SETD1B: variants seen among roughly 807,000 people sequenced by gnomAD.
SETD1B encodes histone-lysine N-methyltransferase SETD1B.
A neutral mutation model predicts 148.0 loss-of-function variants in SETD1B; 7 were observed. The ratio of observed to expected loss-of-function variants is 0.05; its 90% CI spans 0.03 to 0.09. The LOEUF (loss-of-function observed/expected upper bound fraction) is 0.09. Among genes scored for constraint, SETD1B ranks in the 10% least tolerant of loss-of-function variants. SETD1B has a pLI of 1.00. For synonymous variants in SETD1B, 1,361 were observed against 1,186.5 expected (o/e 1.15, Z -3.02); for missense variants, 2,155 against 2,729.9 (o/e 0.79, Z 4.69).
chr12:121,815,020 C>G, intron 7 of SETD1B, 90 bp downstream of exon 7: 1 of 1,213,174 alleles, frequency 8.2e-7, no homozygotes, highest in Non-Finnish European at 1.1e-6. Context: ...AGACTGTTAA[C>G]TGGAAACGCT....
At chr12:121,790,794 TG>T in the SETD1B span, among the ~76,000 whole-genome samples, 1 of 152,182 alleles carries the variant, frequency 6.6e-6, no homozygotes, top group Non-Finnish European at 1.5e-5. Context: ...GGGGTCAGCT[TG>T]GGGCATGGCA....
Position 121,819,451 on chromosome 12 carries a change from A to G in SETD1B, c.3466A>G (p.Ser1156Gly), listed in dbSNP as rs1369371640. 4 of 1,552,074 alleles carry G rather than the reference A, an allele frequency of 2.6e-6. No individual in the cohort carries two copies. Among genetic ancestry groups the G allele is most frequent in the East Asian group, 2.4e-5 (1 of 40,928 alleles). Reference protein sequence around the residue: ...VTSKAEATSSSESSESSEFES... With the variant: ...VTSKAEATSSGESSESSEFES... Reference sequence around the variant, plus strand: ...CTCCAAGGCCGAAGCCACGTCGTCCAGTGAGAGTTCCGAGTCTTCTGAGTT... The same window carrying G: ...CTCCAAGGCCGAAGCCACGTCGTCCGGTGAGAGTTCCGAGTCTTCTGAGTT... The change falls in exon 11 of 17, where the codon AGT becomes GGT. Residue 1156 changes from serine (S) to glycine (G), a missense_variant. Ser to Gly is a moderately conservative substitution (Grantham distance 56). Coordinates refer to ENST00000604567, the MANE Select transcript of SETD1B (RefSeq NM_001353345.2).
At chr12:121,828,709 T>G (rs1030488176) in intron 16 of SETD1B, among the ~76,000 whole-genome samples, 6 of 152,234 alleles carry the variant, frequency 3.9e-5, no homozygotes, top group African/African-American at 1.2e-4. Context: ...TGCCCCTGAC[T>G]TTGGGTTCAA....
At position 121,810,344 on chromosome 12, in the gene SETD1B, C is replaced by T. The variant is rs776182953; in HGVS notation, c.1399C>T (p.Arg467Trp). Residue 467 changes from arginine (R) to tryptophan (W), a missense_variant, in exon 6 of 17, where the codon CGG becomes TGG. Arg to Trp is a moderately radical substitution (Grantham distance 101). Coordinates refer to ENST00000604567, the MANE Select transcript of SETD1B (RefSeq NM_001353345.2). This position sits in a 1 kb window ranked among gnomAD's most constrained non-coding sequence, Gnocchi z 7.6. ...CACCAACAGCATGGAGCTGGGCGGC[C>T]GGCCCACCTTCGGCTGGAGTCCTGA... Reference protein sequence around the residue: ...PDTNSMELGGRPTFGWSPEPC... With the variant: ...PDTNSMELGGWPTFGWSPEPC... The T allele has an allele frequency of 1.6e-5, 24 of 1,546,144 alleles. No individual in the cohort carries two copies. Among genetic ancestry groups the T allele is most frequent in the African/African-American group, 1.4e-5 (1 of 73,002 alleles).
At position 121,805,765 on chromosome 12, in the gene SETD1B, G is replaced by C. The variant is rs1356781062; in HGVS notation, c.274-70G>C. On this transcript the variant is annotated intron_variant, in intron 3 of 16. Coordinates refer to ENST00000604567, the MANE Select transcript of SETD1B (RefSeq NM_001353345.2). This position sits in a 1 kb window ranked among gnomAD's most constrained non-coding sequence, Gnocchi z 4.2. ...CGGGTGGGCGAGTTGCGGGCGGGGC[G>C]GGGGGGATGTTGTGTTTTCCCTTAG... 9.5e-6 allele frequency: 13 copies of C among 1,373,900 alleles called. No homozygotes were observed. Among genetic ancestry groups the C allele is most frequent in the Admixed American group, 2.3e-5 (1 of 42,624 alleles). The allele number at this position is 1,373,900 out of a possible 1,614,324, so 85.1% of individuals were successfully genotyped here. A position where few individuals can be genotyped will look rare whatever the true frequency, so the allele number is the denominator to read the frequency against.
At chr12:121,828,624 T>G (rs1001527132) in intron 16 of SETD1B, among the ~76,000 whole-genome samples, 7 of 152,188 alleles carry the variant, frequency 4.6e-5, no homozygotes, top group Non-Finnish European at 1.0e-4. Context: ...GGAGGGACAC[T>G]GATAACAGGG....
chr12:121,822,809 C>T lies in SETD1B; in HGVS notation c.4230C>T (p.Tyr1410=). The T allele has an allele frequency of 6.6e-7, 1 of 1,507,878 alleles. No homozygotes were observed. The highest frequency in any genetic ancestry group is 1.3e-5 in the South Asian group (1 of 77,954). The allele number at this position is 1,507,878 out of a possible 1,614,324, so 93.4% of individuals were successfully genotyped here. A position where few individuals can be genotyped will look rare whatever the true frequency, so the allele number is the denominator to read the frequency against. The change falls in exon 12 of 17, where the codon TAC becomes TAT. Residue 1410 remains tyrosine (Y), a synonymous_variant. Coordinates refer to ENST00000604567, the MANE Select transcript of SETD1B (RefSeq NM_001353345.2). ...SPQVPGSPFS[Y]PAPSPSLSSG... is the part of the protein sequence containing the mutation. ...AAGTGCCCGGCAGCCCCTTCTCCTA[C>T]CCAGCCCCGTCCCCTAGCTTGAGCA...
At position 121,804,995 on chromosome 12, in the gene SETD1B, TC is replaced by T. The variant is rs1875654826; in HGVS notation, c.174+89del. On this transcript the variant is annotated intron_variant, in intron 2 of 16. Coordinates refer to ENST00000604567, the MANE Select transcript of SETD1B (RefSeq NM_001353345.2). The surrounding 1 kb of genome is among the most constrained non-coding windows in gnomAD (Gnocchi z 4.6). ...TAGCGGCCAGGGACCCCCCGCCCGA[TC>T]CCCCGGCCAACTGTCAGACGGGGCC... The T allele has an allele frequency of 6.9e-7, 1 of 1,457,366 alleles. No individual in the cohort carries two copies. Among genetic ancestry groups the T allele is most frequent in the South Asian group, 1.4e-5 (1 of 73,950 alleles). The allele number at this position is 1,457,366 out of a possible 1,614,324, so 90.3% of individuals were successfully genotyped here.
chr12:121,799,290 T>C (rs1037181095), upstream of SETD1B: 3 of 152,256 alleles, frequency 2.0e-5, no homozygotes, highest in Admixed American at 6.5e-5. Flanking sequence ...ACAAGGCTTA[T>C]ATACAGGCCT....
chr12:121,797,804 C>T, the SETD1B span: 7 of 353,218 alleles, frequency 2.0e-5, no homozygotes, highest in South Asian at 1.5e-4. Flanking sequence ...AAATTTAAAA[C>T]AGGTTTCAGG....
chr12:121,802,333 G>A (rs544114045), upstream of SETD1B: 1 of 152,160 alleles, frequency 6.6e-6, no homozygotes, highest in South Asian at 2.1e-4. Flanking sequence ...ACTGCGTCAG[G>A]ACAGAATGGA....
upstream of SETD1B, chr12:121,802,914 C>A (rs1226079662): frequency 6.6e-6 from 1 of 152,248 alleles, no homozygotes; most frequent in Non-Finnish European, 1.5e-5. Flanking sequence ...AAATGGCTTC[C>A]CTCATCTGTT....
intron 7 of SETD1B, among the ~76,000 whole-genome samples, 163 bp from the exon 8 acceptor site, chr12:121,816,870 C>T (rs1018195079): frequency 2.6e-5 from 4 of 152,294 alleles, no homozygotes; most frequent in African/African-American, 9.6e-5. Flanking sequence ...GCTCTAGAGC[C>T]TCGTGGGTAA....
chr12:121,827,494 G>A (rs1247028455), intron 13 of SETD1B, 25 bp from the exon 14 acceptor site: 1 of 1,513,896 alleles, frequency 6.6e-7, no homozygotes, highest in Non-Finnish European at 8.9e-7. Flanking sequence ...CAGCTCCGCT[G>A]AGCCCCGCAC....
rs1876335603 is a variant in SETD1B, at chr12:121,817,271, C to T, written c.2954C>T (p.Thr985Ile). 6 of 1,550,746 alleles carry T rather than the reference C, an allele frequency of 3.9e-6. No homozygotes were observed. The highest frequency in any genetic ancestry group is 3.6e-5 in the South Asian group (3 of 84,048). ...SGDQKRLRPS[T>I]SVDEEDEESE... The stretch of plus-strand genomic sequence containing the variant: ...GACCAGAAGCGGCTGCGGCCCTCGA[C>T]CTCTGTGGATGAGGAAGATGAAGGT... The change falls in exon 8 of 17, where the codon ACC (threonine) becomes ATC (isoleucine). Residue 985 changes from threonine (T) to isoleucine (I), a missense_variant. Physicochemically the swap from Thr to Ile is moderately conservative, Grantham distance 89. Around this residue, in one of 11 missense-constraint regions of SETD1B, gnomAD observed 289 missense variants for 423.7 expected, o/e 0.68. Coordinates refer to ENST00000604567, the MANE Select transcript of SETD1B (RefSeq NM_001353345.2). This position sits in a 1 kb window ranked among gnomAD's most constrained non-coding sequence, Gnocchi z 8.1.
rs1875621120 is a variant in SETD1B, at chr12:121,804,623, G to T, written c.-14-101G>T. 28 of 1,001,606 alleles carry T rather than the reference G, an allele frequency of 2.8e-5. No individual in the cohort carries two copies. The highest frequency in any genetic ancestry group is 3.9e-5 in the Non-Finnish European group (27 of 687,860). 62.0% of individuals were successfully genotyped at this position (1,001,606 alleles called of 1,614,324 possible). A position where few individuals can be genotyped will look rare whatever the true frequency, so the allele number is the denominator to read the frequency against. On this transcript the variant is annotated intron_variant, in intron 1 of 16. Transcript: ENST00000604567. This position sits in a 1 kb window ranked among gnomAD's most constrained non-coding sequence, Gnocchi z 4.6. ...TCCTTTCGGGGCGCGCTGGCAAGGT[G>T]GGAGGGGGTGGGGGCCTGCCGATTG...
chr12:121,826,245 A>G (rs1027238116), intron 13 of SETD1B, among the ~76,000 whole-genome samples: 4 of 142,684 alleles, frequency 2.8e-5, no homozygotes, highest in African/African-American at 9.7e-5. Context: ...CATAGGAAAT[A>G]ATCAAGTGAA....
intron 10 of SETD1B, among the ~76,000 whole-genome samples, chr12:121,818,753 GGTGGC>G (rs1466228835): frequency 2.0e-5 from 3 of 151,926 alleles, no homozygotes; most frequent in Non-Finnish European, 4.4e-5. Flanking sequence ...AGCCGGGCAT[GGTGGC>G]AGGTGCCTGT....
At chr12:121,792,487 C>T in the SETD1B span, among the ~76,000 whole-genome samples, 173 of 152,236 alleles carry the variant, frequency 1.1e-3, no homozygotes, top group African/African-American at 4.1e-3. Flanking sequence ...TGGTGTGGGG[C>T]CCCTGCCCCC....
Sources: allele counts gnomAD v4.1 joint callset (sites outside exome capture counted in the v4.1 genomes callset), GRCh38; gene constraint gnomAD v4.1.1; regional missense constraint gnomAD v4.1.1; non-coding constraint Gnocchi (gnomAD v3.1); transcripts MANE v1.5; gene names NCBI Gene and HGNC (gene_info 2026-07-23, HGNC 2026-07-21).